Variants in KIF27 observed in about 807,000 individuals in gnomAD.
The protein encoded by KIF27 is kinesin-like protein KIF27.
A neutral mutation model predicts 141.8 loss-of-function variants in KIF27; 84 were observed. The observed-to-expected ratio is 0.59, with a 90% confidence interval of 0.50 to 0.71. The LOEUF is 0.71. KIF27 is among the 30% of genes least tolerant of loss of function. The pLI is 0.00. For synonymous variants in KIF27, 471 were observed against 569.5 expected, an observed-to-expected ratio of 0.83 and a Z score of 2.46; for missense variants, 1,306 against 1,628.4, an observed-to-expected ratio of 0.80 and a Z score of 3.41.
intron 13 of KIF27, among the ~76,000 whole-genome samples, chr9:83,863,220 G>C (rs1179537219): frequency 6.6e-6 from 1 of 152,138 alleles, no homozygotes; most frequent in Admixed American, 6.5e-5. Context: ...ATGTTGAATA[G>C]GAGTGGTGAG....
chr9:83,878,771 A>G (rs1951433351), intron 11 of KIF27, among the ~76,000 whole-genome samples: 1 of 152,238 alleles, frequency 6.6e-6, no homozygotes, highest in African/African-American at 2.4e-5. Context: ...GAGCTATTCC[A>G]TAATATTACA....
At position 83,844,303 on chromosome 9, in the gene KIF27, T is replaced by G. The variant is rs114229610; in HGVS notation, c.3557-1902A>C. ...AATAATAAACTCCCCTTTATATATA[T>G]AGAGAGAGATATAGATATATAGATA... On this transcript the variant is annotated intron_variant, in intron 16 of 17. Transcript: ENST00000297814. 9.1e-3 allele frequency among the ~76,000 whole-genome samples: 1,380 copies of G among 151,810 alleles called. 11 individuals are homozygous for G. Among genetic ancestry groups the G allele is most frequent in the African/African-American group, 0.027 (1,116 of 41,304 alleles).
At chr9:83,844,663 G>T (rs1190463789) in intron 16 of KIF27, among the ~76,000 whole-genome samples, 1 of 152,294 alleles carries the variant, frequency 6.6e-6, no homozygotes, top group Admixed American at 6.5e-5. Context: ...GTGACTCTGT[G>T]TAATAAATTT....
chr9:83,856,504 A>C (rs954791956), intron 14 of KIF27, among the ~76,000 whole-genome samples: 2 of 151,928 alleles, frequency 1.3e-5, no homozygotes, highest in Non-Finnish European at 2.9e-5. Context: ...GCACTTTGGG[A>C]AGCCGAGGTG....
intron 5 of KIF27, among the ~76,000 whole-genome samples, chr9:83,897,401 T>C (rs1174030511): frequency 6.6e-6 from 1 of 152,074 alleles, no homozygotes; most frequent in Non-Finnish European, 1.5e-5. Flanking sequence ...CTAGAACAAA[T>C]GAATATCTAT....
chr9:83,842,396 C>G lies in KIF27; in HGVS notation c.3562G>C (p.Asp1188His). 3.3e-6 allele frequency: 5 copies of G among 1,497,060 alleles called. No individual in the cohort carries two copies. The highest frequency in any genetic ancestry group is 4.4e-6 in the Non-Finnish European group (5 of 1,125,430). The allele number at this position is 1,497,060 out of a possible 1,614,324, so 92.7% of individuals were successfully genotyped here. ...QLLLHHFKEQ[D>H]GEGIMETFKT... ...AAAGTTTCCATAATGCCTTCTCCAT[C>G]TTGTTCTATACAACAAAAATTTGCA... The change falls in exon 17 of 18, where the codon GAT becomes CAT. Residue 1188 changes from aspartate to histidine, a missense_variant. By Grantham distance (81) the Asp-to-His change is moderately conservative. Coordinates refer to ENST00000297814, the MANE Select transcript of KIF27 (RefSeq NM_017576.4).
rs188795204 is a variant in KIF27, at chr9:83,836,850, C to A, written c.*151G>T. ...TCCCCAAATATATATAGAAGATGTA[C>A]ACATCTATAGCATATAAAAGAATTA... On this transcript the variant is annotated 3_prime_UTR_variant, in exon 18 of 18. Coordinates refer to ENST00000297814, the MANE Select transcript of KIF27 (RefSeq NM_017576.4). 9.3e-4 allele frequency: 1,100 copies of A among 1,177,604 alleles called. 5 individuals carry two copies. Among genetic ancestry groups the A allele is most frequent in the Non-Finnish European group, 1.2e-3 (994 of 858,630 alleles). 72.9% of individuals were successfully genotyped at this position (1,177,604 alleles called of 1,614,324 possible).
intron 17 of KIF27, among the ~76,000 whole-genome samples, chr9:83,840,892 T>C (rs1166941145): frequency 6.6e-6 from 1 of 152,274 alleles, no homozygotes; most frequent in African/African-American, 2.4e-5. Context: ...AGTCAGAAGA[T>C]GAGGGACATT....
At chr9:83,843,891 T>C (rs11140270) in intron 16 of KIF27, among the ~76,000 whole-genome samples, 2,789 of 152,192 alleles carry the variant, frequency 0.018, 98 homozygotes, top group African/African-American at 0.064. Flanking sequence ...CCTGGCTTAA[T>C]TTTTTAAATT....
intron 11 of KIF27, among the ~76,000 whole-genome samples, chr9:83,874,051 C>CAA (rs10708977): frequency 6.8e-5 from 10 of 147,510 alleles, no homozygotes; most frequent in East Asian, 4.0e-4. Context: ...GACTCCGTGT[C>CAA]AAAAAAAAAA....
In KIF27 at chr9:83,867,216, T is replaced by C. The variant is rs1950435125; in HGVS notation, c.2934+468A>G. Among the ~76,000 whole-genome samples, 5 of 152,198 alleles carry C rather than the reference T, an allele frequency of 3.3e-5. No homozygotes were observed. In the South Asian group the frequency reaches 6.2e-4, roughly 19 times the overall value. ...CCTTCTATTGTCAAATAATACGCTA[T>C]TGTATGGATAATCACAGTTTATCCA... On this transcript the variant is annotated intron_variant, in intron 13 of 17. Transcript: ENST00000297814.
At chr9:83,884,968 C>T (rs570278466) in intron 9 of KIF27, among the ~76,000 whole-genome samples, 3 of 152,170 alleles carry the variant, frequency 2.0e-5, no homozygotes, top group Non-Finnish European at 2.9e-5. Context: ...CAGCTAGTGA[C>T]CCTAAAAGCT....
At chr9:83,848,070 G>GATATATCAT (rs10622451) in intron 16 of KIF27, among the ~76,000 whole-genome samples, 1 of 43,216 alleles carries the variant, frequency 2.3e-5, no homozygotes, top group Admixed American at 2.0e-4. Flanking sequence ...TCATATATAT[G>GATATATCAT]ATATATGATA....
intron 11 of KIF27, among the ~76,000 whole-genome samples, chr9:83,876,763 G>A (rs1207762526): frequency 6.6e-6 from 1 of 152,170 alleles, no homozygotes; most frequent in Non-Finnish European, 1.5e-5. Flanking sequence ...ATATATCTAT[G>A]GCCAGTTGAT....
chr9:83,863,366 T>C (rs1273073703), intron 13 of KIF27, among the ~76,000 whole-genome samples: 4 of 152,236 alleles, frequency 2.6e-5, no homozygotes, highest in East Asian at 1.9e-4. Flanking sequence ...ACCTAATTTA[T>C]TGAGAGTTTT....
intron 16 of KIF27, among the ~76,000 whole-genome samples, chr9:83,842,682 G>A (rs1473258782): frequency 6.6e-6 from 1 of 152,100 alleles, no homozygotes; most frequent in Non-Finnish European, 1.5e-5. Context: ...TAGCCAGGAT[G>A]GTCTCGATCT....
intron 5 of KIF27, among the ~76,000 whole-genome samples, chr9:83,894,148 A>G (rs1228543981): frequency 6.6e-6 from 1 of 152,244 alleles, no homozygotes; most frequent in African/African-American, 2.4e-5. Context: ...CCAAATGCTT[A>G]ACAGGCTAAT....
chr9:83,880,417 T>C lies in KIF27; in HGVS notation c.2523A>G (p.Leu841=). The change falls in exon 11 of 18, where the codon CTA becomes CTG. Residue 841 remains leucine, a synonymous_variant. Coordinates refer to ENST00000297814, the MANE Select transcript of KIF27 (RefSeq NM_017576.4). ...SIQNEKRANE[L]EQSVDHMKYQ... is the part of the protein sequence containing the mutation. Reference sequence around the variant, plus strand: ...ATTTCATGTGATCTACACTCTGCTCTAGCTCATTAGCACGTTTCTCATTTT... The same window carrying C: ...ATTTCATGTGATCTACACTCTGCTCCAGCTCATTAGCACGTTTCTCATTTT... The C allele has an allele frequency of 6.2e-7, 1 of 1,613,656 alleles. No homozygotes were observed. The highest frequency in any genetic ancestry group is 8.5e-7 in the Non-Finnish European group (1 of 1,179,814).
chr9:83,864,400 C>T (rs1180848446), intron 13 of KIF27, among the ~76,000 whole-genome samples: 1 of 152,162 alleles, frequency 6.6e-6, no homozygotes, highest in Non-Finnish European at 1.5e-5. Context: ...TTTCAAAGAA[C>T]ATCTTTATTT....
Sources: allele counts gnomAD v4.1 joint callset (sites outside exome capture counted in the v4.1 genomes callset), GRCh38; gene constraint gnomAD v4.1.1; transcripts MANE v1.5; gene names NCBI Gene and HGNC (gene_info 2026-07-23, HGNC 2026-07-21).